The following CNTN5 variants were observed in gnomAD, a reference collection of about 807,000 sequenced individuals.
CNTN5 encodes the protein contactin 5.
In CNTN5, 77 loss-of-function variants were observed where a neutral mutation model predicts 129.1. The observed-to-expected ratio is 0.60, with a 90% CI of 0.50 to 0.72. The LOEUF (loss-of-function observed/expected upper bound fraction) is 0.72. Among genes scored for constraint, CNTN5 ranks in the 30% least tolerant of loss-of-function variants. The pLI is 0.00. For synonymous variants in CNTN5, 509 were observed against 465.6 expected, an observed-to-expected ratio of 1.09 and a Z score of -1.20; for missense variants, 1,478 against 1,328.8, an observed-to-expected ratio of 1.11 and a Z score of -1.75.
chr11:99,825,038 G>A (rs1946910715), intron 4 of CNTN5, among the ~76,000 whole-genome samples: 1 of 151,916 alleles, frequency 6.6e-6, no homozygotes, highest in African/African-American at 2.4e-5. Context: ...ACTGTTGTCT[G>A]TTATTTCTGT....
At chr11:99,783,021 T>A (rs1330037293) in intron 3 of CNTN5, among the ~76,000 whole-genome samples, 1 of 150,104 alleles carries the variant, frequency 6.7e-6, no homozygotes, top group Non-Finnish European at 1.5e-5. Context: ...GAAACTACCA[T>A]CAGAGTGAAC....
At chr11:100,288,769 T>A (rs1440830110) in intron 18 of CNTN5, among the ~76,000 whole-genome samples, 3 of 151,204 alleles carry the variant, frequency 2.0e-5, no homozygotes, top group Non-Finnish European at 4.4e-5. Context: ...AGAGCAGAAC[T>A]GAAGGAAATA....
chr11:99,566,081 C>A, intron 3 of CNTN5, among the ~76,000 whole-genome samples: 1 of 152,220 alleles, frequency 6.6e-6, no homozygotes, highest in East Asian at 1.9e-4. Context: ...GAAATGTAAT[C>A]CCCCATTTTG....
intron 3 of CNTN5, among the ~76,000 whole-genome samples, chr11:99,705,996 T>C (rs1476873663): frequency 6.6e-6 from 1 of 151,536 alleles, no homozygotes; most frequent in African/African-American, 2.4e-5. Flanking sequence ...CATCAAACTT[T>C]TCCAAAGAGA....
chr11:99,565,192 G>A (rs529367767), intron 3 of CNTN5, among the ~76,000 whole-genome samples: 2 of 152,130 alleles, frequency 1.3e-5, no homozygotes, highest in African/African-American at 2.4e-5. Context: ...CCTAGAAGCC[G>A]CCTCATAACC....
At chr11:99,727,307 C>T (rs866431102) in intron 3 of CNTN5, among the ~76,000 whole-genome samples, 1,662 of 30,620 alleles carry the variant, frequency 0.054, 56 homozygotes, top group African/African-American at 0.22. Flanking sequence ...AGCGAGACTC[C>T]GTCTCAAAAA....
chr11:99,880,750 T>C (rs1207786379), intron 6 of CNTN5, among the ~76,000 whole-genome samples: 2 of 152,182 alleles, frequency 1.3e-5, no homozygotes, highest in Admixed American at 6.5e-5. Flanking sequence ...AGTGGAGAAT[T>C]TCAAGGATAT....
At chr11:99,807,714 G>A (rs568789983) in intron 3 of CNTN5, among the ~76,000 whole-genome samples, 4 of 152,042 alleles carry the variant, frequency 2.6e-5, no homozygotes, top group African/African-American at 9.7e-5. Flanking sequence ...AGAAAATTAC[G>A]TGTACAAACT....
intron 2 of CNTN5, among the ~76,000 whole-genome samples, chr11:99,485,535 G>T (rs552130656): frequency 9.2e-5 from 14 of 152,120 alleles, no homozygotes; most frequent in African/African-American, 3.1e-4. Context: ...TGTGAGGACA[G>T]GGGACATAAA....
chr11:99,796,766 A>G (rs1945955915), intron 3 of CNTN5, among the ~76,000 whole-genome samples: 1 of 152,056 alleles, frequency 6.6e-6, no homozygotes, highest in Admixed American at 6.6e-5. Context: ...GAGGATGGAC[A>G]TCCCTGGCTG....
At chr11:100,175,101 T>C (rs1947923525) in intron 13 of CNTN5, among the ~76,000 whole-genome samples, 1 of 152,154 alleles carries the variant, frequency 6.6e-6, no homozygotes, top group Admixed American at 6.6e-5. Context: ...AGTTTCCTCT[T>C]CTGTCAGCCT....
chr11:99,760,951 T>C (rs969728368), intron 3 of CNTN5, among the ~76,000 whole-genome samples: 1 of 152,162 alleles, frequency 6.6e-6, no homozygotes, highest in Non-Finnish European at 1.5e-5. Context: ...AAAAACGTTT[T>C]CTAATGATGT....
At chr11:99,611,871 G>C (rs1950602293) in intron 3 of CNTN5, among the ~76,000 whole-genome samples, 1 of 152,142 alleles carries the variant, frequency 6.6e-6, no homozygotes, top group Admixed American at 6.6e-5. Context: ...TTTGAGAATA[G>C]TACCTGAACA....
chr11:99,153,691 T>C (rs889067686), intron 1 of CNTN5, among the ~76,000 whole-genome samples: 8 of 152,048 alleles, frequency 5.3e-5, no homozygotes, highest in African/African-American at 1.9e-4. Context: ...GGGGTATGAG[T>C]GCAGTTGTTT....
intron 1 of CNTN5, among the ~76,000 whole-genome samples, chr11:99,183,801 T>G (rs1858204026): frequency 6.6e-6 from 1 of 152,136 alleles, no homozygotes; most frequent in South Asian, 2.1e-4. Context: ...AACTTCTTAC[T>G]AGATATTTAT....
chr11:99,062,803 T>C (rs1037201952), intron 1 of CNTN5, among the ~76,000 whole-genome samples: 2 of 152,110 alleles, frequency 1.3e-5, no homozygotes, highest in African/African-American at 4.8e-5. Context: ...ATTTTTCTAT[T>C]TACCCTCCTC....
chr11:99,741,831 C>T (rs750952508), intron 3 of CNTN5, among the ~76,000 whole-genome samples: 3 of 151,912 alleles, frequency 2.0e-5, no homozygotes, highest in East Asian at 3.9e-4. Context: ...CATGTCTTGC[C>T]GCTATGTTTG....
intron 2 of CNTN5, among the ~76,000 whole-genome samples, chr11:99,437,484 C>T (rs747247976): frequency 3.3e-5 from 5 of 152,050 alleles, no homozygotes; most frequent in Admixed American, 6.6e-5. Flanking sequence ...CAATATTTCC[C>T]GTTGTATACA....
intron 21 of CNTN5, among the ~76,000 whole-genome samples, chr11:100,321,897 A>G (rs1400349978): frequency 6.6e-6 from 1 of 152,198 alleles, no homozygotes; most frequent in Admixed American, 6.5e-5. Flanking sequence ...ACACTTGATA[A>G]TAATGAATGA....
Sources: allele counts gnomAD v4.1 joint callset (sites outside exome capture counted in the v4.1 genomes callset), GRCh38; gene constraint gnomAD v4.1.1; transcripts MANE v1.5; gene names NCBI Gene and HGNC (gene_info 2026-07-23, HGNC 2026-07-21).